Variants in TCTN2 observed in about 807,000 individuals in gnomAD.
TCTN2 encodes the protein tectonic-2.
In TCTN2, 66 loss-of-function variants were observed where a neutral mutation model predicts 83.4. The observed-to-expected ratio is 0.79, with a 90% confidence interval of 0.65 to 0.97. The LOEUF is 0.97. TCTN2 is among the 50% of genes least tolerant of loss of function. The pLI, the probability that TCTN2 is intolerant of heterozygous loss-of-function variation, is 0.00. For missense variants in TCTN2, 794 were observed against 858.1 expected (o/e 0.93, Z 0.93); for synonymous variants, 301 against 326.7 (o/e 0.92, Z 0.85).
chr12:123,705,883 A>C (rs1160832667), intron 15 of TCTN2, among the ~76,000 whole-genome samples: 1 of 151,312 alleles, frequency 6.6e-6, no homozygotes, highest in African/African-American at 2.4e-5. Context: ...CAGCCTCCTA[A>C]GTAGCTGAGG....
intron 15 of TCTN2, among the ~76,000 whole-genome samples, chr12:123,706,126 A>T (rs962758806): frequency 6.6e-6 from 1 of 152,024 alleles, no homozygotes; most frequent in African/African-American, 2.4e-5. Flanking sequence ...TCCTTTCTGA[A>T]CCAATCCCTA....
At position 123,707,055 on chromosome 12, in the gene TCTN2, T is replaced by C. The variant is rs756649431; in HGVS notation, c.1966T>C (p.Trp656Arg). 7.4e-6 allele frequency: 12 copies of C among 1,613,520 alleles called. No homozygotes were observed. The highest frequency in any genetic ancestry group is 6.7e-5 in the Admixed American group (4 of 59,996). The change falls in exon 17 of 18, where the codon TGG becomes CGG. Residue 656 changes from tryptophan to arginine, a missense_variant. By Grantham distance (101) the Trp-to-Arg change is moderately radical. Coordinates refer to ENST00000303372, the MANE Select transcript of TCTN2 (RefSeq NM_024809.5). ...GTGTTGGCCGCAGCTTCTATATCCA[T>C]GGACTCAGTATTATCAAGGTAGGGT... ...EVCWPQLLYPWTQYYQGELHS... is the reference protein window; with the variant it reads ...EVCWPQLLYPRTQYYQGELHS...
intron 11 of TCTN2, 65 bp downstream of exon 11, chr12:123,695,362 C>A: frequency 9.3e-7 from 1 of 1,070,108 alleles, no homozygotes; most frequent in Non-Finnish European, 1.5e-6. Flanking sequence ...TCCCAGCCAT[C>A]AGGATGGTTA....
At chr12:123,705,216 G>A (rs34506612) in intron 15 of TCTN2, among the ~76,000 whole-genome samples, 5,076 of 144,724 alleles carry the variant, frequency 0.035, 131 homozygotes, top group South Asian at 0.064. Flanking sequence ...AGGCTGGAGT[G>A]CAGTGGCAAT....
chr12:123,691,541 A>G (rs972900228), intron 8 of TCTN2, among the ~76,000 whole-genome samples: 4 of 152,166 alleles, frequency 2.6e-5, no homozygotes, highest in African/African-American at 7.2e-5. Flanking sequence ...GTGTTTGTCC[A>G]TTCCTCAGTT....
At chr12:123,687,920 C>T (rs1489018781) in intron 6 of TCTN2, 131 bp from the exon 7 acceptor site, 19 of 1,248,506 alleles carry the variant, frequency 1.5e-5, no homozygotes, top group African/African-American at 1.0e-4. Flanking sequence ...ACAAAGATCA[C>T]GCCACTGCAC....
In TCTN2 at chr12:123,704,567, G is replaced by A; in HGVS notation, c.1648G>A (p.Ala550Thr). Residue 550 changes from alanine (A) to threonine (T), a missense_variant, in exon 15 of 18, where the codon GCT becomes ACT. Ala to Thr is a moderately conservative substitution (Grantham distance 58). Transcript: ENST00000303372. ...CCCTGATCCAGGTGCAGACCCGCTG[G>A]CTAGCAGTGTGAACGGCATGTGCCT... ...DAPDPGADPL[A>T]SSVNGMCLDI... The A allele has an allele frequency of 6.2e-7, 1 of 1,613,322 alleles. No homozygotes were observed. Among genetic ancestry groups the A allele is most frequent in the Non-Finnish European group, 8.5e-7 (1 of 1,179,836 alleles).
chr12:123,689,346 G>A (rs1478738741), intron 7 of TCTN2, among the ~76,000 whole-genome samples: 9 of 152,072 alleles, frequency 5.9e-5, no homozygotes, highest in Non-Finnish European at 8.8e-5. Context: ...TTGAGCCACC[G>A]CGCCCAGCCA....
chr12:123,688,108 T>C lies in TCTN2; in HGVS notation c.822T>C (p.Phe274=), dbSNP rs769380216. 8 of 1,614,092 alleles carry C rather than the reference T, an allele frequency of 5.0e-6. No individual in the cohort carries two copies. Among genetic ancestry groups the C allele is most frequent in the Non-Finnish European group, 6.8e-6 (8 of 1,180,016 alleles). The change falls in exon 7 of 18, where the codon TTT becomes TTC. Residue 274 remains phenylalanine, a synonymous_variant. Coordinates refer to ENST00000303372, the MANE Select transcript of TCTN2 (RefSeq NM_024809.5). ...EVYVDTDAKD[F]ADFGYKQGDP... ...ATGTGGATACTGACGCAAAAGACTT[T>C]GCAGACTTTGGTTACAAACAAGGAG...
chr12:123,704,482 A>C, intron 14 of TCTN2, 50 bp from the exon 15 acceptor site: 1 of 1,556,442 alleles, frequency 6.4e-7, no homozygotes, highest in Middle Eastern at 1.9e-4. Flanking sequence ...CATTGTAGGA[A>C]AACTTATCAA....
At chr12:123,687,183 T>C in intron 6 of TCTN2, 148 bp downstream of exon 6, 2 of 875,628 alleles carry the variant, frequency 2.3e-6, no homozygotes, top group Non-Finnish European at 3.7e-6. Context: ...AGATTTCAGT[T>C]AGCCAATTTA....
chr12:123,681,633 CTATT>C (rs1361776370), intron 5 of TCTN2, among the ~76,000 whole-genome samples: 4 of 152,116 alleles, frequency 2.6e-5, no homozygotes, highest in African/African-American at 9.7e-5. Flanking sequence ...TATTTCTTAT[CTATT>C]TATTGGCTAA....
Position 123,688,082 on chromosome 12 carries a change from T to C in TCTN2, c.796T>C (p.Tyr266His), listed in dbSNP as rs770325331. ...CAAACAGGACTCTTCCTTTGAAGTA[T>C]ATGTGGATACTGACGCAAAAGACTT... ...SPKQDSSFEV[Y>H]VDTDAKDFAD... The change falls in exon 7 of 18, where the codon TAT (tyrosine) becomes CAT (histidine). Residue 266 changes from tyrosine (Y) to histidine (H), a missense_variant. Physicochemically the swap from Tyr to His is moderately conservative, Grantham distance 83. Coordinates refer to ENST00000303372, the MANE Select transcript of TCTN2 (RefSeq NM_024809.5). 10 of 1,614,046 alleles carry C rather than the reference T, an allele frequency of 6.2e-6. No homozygotes were observed. Among genetic ancestry groups the C allele is most frequent in the Admixed American group, 3.3e-5 (2 of 60,006 alleles).
In TCTN2 at chr12:123,671,527, C is replaced by T. The variant is rs1955750850; in HGVS notation, c.103C>T (p.Arg35Ter). 1 of 1,613,996 alleles carries T rather than the reference C, an allele frequency of 6.2e-7. No homozygotes were observed. The highest frequency in any genetic ancestry group is 1.3e-5 in the African/African-American group (1 of 74,904). ...GDLAFIPPFI[R>*]MSGPAVSASL... is the part of the protein sequence containing the mutation. The stretch of plus-strand genomic sequence containing the variant: ...CCTAGCTTTCATCCCTCCTTTTATC[C>T]GAATGTCCGGCCCTGCGGTCAGCGC... The change falls in exon 2 of 18, where the codon CGA becomes TGA. Residue 35 changes from arginine (R) to a stop codon, truncating the protein, a stop_gained. Coordinates refer to ENST00000303372, the MANE Select transcript of TCTN2 (RefSeq NM_024809.5). LOFTEE classifies it high-confidence loss of function.
At chr12:123,687,736 G>T (rs1955990370) in intron 6 of TCTN2, among the ~76,000 whole-genome samples, 1 of 151,936 alleles carries the variant, frequency 6.6e-6, no homozygotes. Context: ...GCTGAGGCAG[G>T]GTGATCACCT....
At chr12:123,679,640 A>T (rs1049281636) in intron 5 of TCTN2, among the ~76,000 whole-genome samples, 3 of 151,978 alleles carry the variant, frequency 2.0e-5, no homozygotes, top group Non-Finnish European at 4.4e-5. Context: ...TTGGGATTAC[A>T]GGTGTGAGCC....
In TCTN2 at chr12:123,672,058, A is replaced by G. The variant is rs539750614; in HGVS notation, c.193A>G (p.Ile65Val). The G allele has an allele frequency of 6.2e-7, 1 of 1,614,054 alleles. No individual in the cohort carries two copies. The highest frequency in any genetic ancestry group is 1.1e-5 in the South Asian group (1 of 91,076). ...GCATGCTGGTCTTCTTTCTTTAGGA[A>G]TATTGCCAATTCCGACGTGTGGAGT... ...SLAVLQDEAG[I>V]LPIPTCGVLN... Residue 65 changes from isoleucine (I) to valine (V), a missense_variant and splice_region_variant, in exon 3 of 18, where the codon ATA (isoleucine) becomes GTA (valine). Physicochemically the swap from Ile to Val is conservative, Grantham distance 29. Transcript: ENST00000303372.
intron 3 of TCTN2, among the ~76,000 whole-genome samples, chr12:123,673,197 C>T (rs564335102): frequency 5.3e-4 from 80 of 152,282 alleles, no homozygotes; most frequent in Non-Finnish European, 9.1e-4. Flanking sequence ...GAGAAAAGGA[C>T]AGGAAAGACA....
chr12:123,697,784 G>A (rs1397483157), intron 13 of TCTN2, among the ~76,000 whole-genome samples: 1 of 151,560 alleles, frequency 6.6e-6, no homozygotes, highest in Admixed American at 6.6e-5. Context: ...GTAAGCCACC[G>A]CGCCTGGCCT....
Sources: allele counts gnomAD v4.1 joint callset (sites outside exome capture counted in the v4.1 genomes callset), GRCh38; gene constraint gnomAD v4.1.1; transcripts MANE v1.5; gene names NCBI Gene and HGNC (gene_info 2026-07-23, HGNC 2026-07-21).